JMJD1C: variants seen among roughly 807,000 people sequenced by gnomAD.
The protein encoded by JMJD1C is jumonji domain-containing protein 1C.
Under a neutral mutation model 245.3 loss-of-function variants are expected in JMJD1C, and 31 were observed. The ratio of observed to expected loss-of-function variants is 0.13; its 90% CI spans 0.09 to 0.17. The LOEUF (loss-of-function observed/expected upper bound fraction) is 0.17, where lower values mean the gene tolerates loss of function less well. Ranked by LOEUF, JMJD1C falls within the 10% of genes least tolerant of loss-of-function variation. The probability of loss-of-function intolerance (pLI) is 1.00; values close to 1 mark genes in which losing one functional copy is unlikely to be tolerated. For synonymous variants in JMJD1C, 1,057 were observed against 1,017.4 expected (o/e 1.04, Z -0.74); for missense variants, 2,691 against 3,000.2 (o/e 0.90, Z 2.41).
chr10:63,269,807 T>C (rs761247051), intron 2 of JMJD1C, among the ~76,000 whole-genome samples: 68 of 152,314 alleles, frequency 4.5e-4, no homozygotes, highest in Non-Finnish European at 3.8e-4. Flanking sequence ...AAGCATAAAA[T>C]GCATTTCTCA....
At chr10:63,375,182 G>GATT (rs1946625728) in intron 2 of JMJD1C, among the ~76,000 whole-genome samples, 1 of 63,812 alleles carries the variant, frequency 1.6e-5, no homozygotes, top group Non-Finnish European at 4.2e-5. Context: ...ATAAAAATTG[G>GATT]CTTTTTTTTT....
chr10:63,509,909 TCTAA>T (rs1445704604), intron 1 of JMJD1C, among the ~76,000 whole-genome samples: 5 of 152,134 alleles, frequency 3.3e-5, no homozygotes, highest in African/African-American at 4.8e-5. Context: ...TGATTCCTGC[TCTAA>T]CTTTTATTAT....
At chr10:63,275,562 G>C (rs190373718) in intron 2 of JMJD1C, among the ~76,000 whole-genome samples, 330 of 151,966 alleles carry the variant, frequency 2.2e-3, no homozygotes, top group Middle Eastern at 0.01. Context: ...CCAATATTTG[G>C]AAGAAAGAAA....
intron 1 of JMJD1C, among the ~76,000 whole-genome samples, chr10:63,497,538 G>T (rs1018447553): frequency 6.6e-6 from 1 of 152,170 alleles, no homozygotes; most frequent in African/African-American, 2.4e-5. Flanking sequence ...TTTCTTTCAG[G>T]GCTGATGAAG....
chr10:63,182,233 G>C (rs921041791), intron 22 of JMJD1C, among the ~76,000 whole-genome samples: 1 of 152,164 alleles, frequency 6.6e-6, no homozygotes. Flanking sequence ...GCGAACATCT[G>C]AAACTCCGAA....
intron 1 of JMJD1C, among the ~76,000 whole-genome samples, chr10:63,439,766 A>G (rs1951260356): frequency 6.6e-6 from 1 of 152,228 alleles, no homozygotes; most frequent in South Asian, 2.1e-4. Context: ...AGATCATAAA[A>G]AAGTCACTTA....
rs1589293731 is a variant in JMJD1C at position 63,253,833 on chromosome 10, A to G, written c.447+10818T>C. 2.0e-5 allele frequency among the ~76,000 whole-genome samples: 3 copies of G among 152,256 alleles called. No homozygotes were observed. In the South Asian group the frequency reaches 6.2e-4, roughly 32 times the overall value. Reference sequence around the variant, plus strand: ...ATTCTAACAATACCTCCGCATCCCTACGACCAGAATGAATTCCTTATTCCT... The same window carrying G: ...ATTCTAACAATACCTCCGCATCCCTGCGACCAGAATGAATTCCTTATTCCT... On this transcript the variant is annotated intron_variant, in intron 3 of 25. Transcript: ENST00000399262.
intron 2 of JMJD1C, 95 bp downstream of exon 2, chr10:63,380,221 GGT>G (rs769535900): frequency 8.4e-7 from 1 of 1,193,114 alleles, no homozygotes; most frequent in East Asian, 2.3e-5. Flanking sequence ...TAGTTTTACA[GGT>G]GTCAGTCACC....
chr10:63,245,302 C>T (rs769964323), intron 3 of JMJD1C, among the ~76,000 whole-genome samples: 1 of 151,850 alleles, frequency 6.6e-6, no homozygotes, highest in Non-Finnish European at 1.5e-5. Context: ...TCTGTTTTCA[C>T]ACGGCTGATA....
chr10:63,464,848 A>G (rs1315982072), intron 1 of JMJD1C, among the ~76,000 whole-genome samples: 1 of 152,194 alleles, frequency 6.6e-6, no homozygotes, highest in Non-Finnish European at 1.5e-5. Flanking sequence ...TGGGGACAGA[A>G]AGAGAGATTA....
At chr10:63,229,170 T>TA (rs1295474368) in intron 3 of JMJD1C, among the ~76,000 whole-genome samples, 3 of 151,876 alleles carry the variant, frequency 2.0e-5, no homozygotes, top group Admixed American at 6.6e-5. Flanking sequence ...AATACTTTTT[T>TA]AAAAAAAAGG....
At chr10:63,272,250 AG>A (rs1200992350) in intron 2 of JMJD1C, among the ~76,000 whole-genome samples, 3 of 152,198 alleles carry the variant, frequency 2.0e-5, no homozygotes, top group African/African-American at 7.2e-5. Flanking sequence ...ATGATCCAGA[AG>A]GTAACTTTAT....
chr10:63,248,521 A>AATAG (rs141160908), intron 3 of JMJD1C, among the ~76,000 whole-genome samples: 2,952 of 134,528 alleles, frequency 0.022, 68 homozygotes, highest in African/African-American at 0.055. Context: ...ACCTCATCTC[A>AATAG]ATAGATAGAT....
rs1369985537 is a variant in JMJD1C, at chr10:63,200,635, T to A, written c.5117A>T (p.Lys1706Met). The change falls in exon 11 of 26, where the codon AAG (lysine) becomes ATG (methionine). Residue 1706 changes from lysine to methionine, a missense_variant. Coordinates refer to ENST00000399262, the MANE Select transcript of JMJD1C (RefSeq NM_032776.3). ...RSVLKDWRKV[K>M]KLKQTGESFL... ...GGATTCCCCAGTTTGCTTCAGCTTC[T>A]TGACTTTACGCCAATCTTTCAATAC... The A allele has an allele frequency of 6.2e-7, 1 of 1,613,980 alleles. No homozygotes were observed. The highest frequency in any genetic ancestry group is 1.3e-5 in the African/African-American group (1 of 74,936).
At chr10:63,223,336 T>C (rs938039667) in intron 3 of JMJD1C, among the ~76,000 whole-genome samples, 2 of 151,080 alleles carry the variant, frequency 1.3e-5, no homozygotes, top group Non-Finnish European at 2.9e-5. Context: ...CAAGCGATTC[T>C]CCTGCCTCAG....
chr10:63,292,296 C>T (rs931826750), intron 2 of JMJD1C, among the ~76,000 whole-genome samples: 4 of 151,678 alleles, frequency 2.6e-5, no homozygotes, highest in Non-Finnish European at 4.4e-5. Flanking sequence ...TAATTTCACT[C>T]CCACAGGCTT....
chr10:63,188,455 C>G (rs1844385740), intron 18 of JMJD1C, among the ~76,000 whole-genome samples: 1 of 152,188 alleles, frequency 6.6e-6, no homozygotes, highest in Non-Finnish European at 1.5e-5. Context: ...ACATAGCTTA[C>G]TCATTTTTAT....
intron 2 of JMJD1C, among the ~76,000 whole-genome samples, chr10:63,320,462 T>A (rs1248318718): frequency 6.6e-6 from 1 of 152,158 alleles, no homozygotes; most frequent in Non-Finnish European, 1.5e-5. Flanking sequence ...ATAGACGATG[T>A]CAGCCCACAA....
chr10:63,317,829 A>C (rs1589461609), intron 2 of JMJD1C, among the ~76,000 whole-genome samples: 1 of 152,070 alleles, frequency 6.6e-6, no homozygotes, highest in African/African-American at 2.4e-5. Context: ...CTATTGCTAC[A>C]TTAAAGGTCA....
Sources: gnomAD v4.1 joint callset for allele counts (sites outside exome capture counted in the v4.1 genomes callset) on GRCh38, gnomAD v4.1.1 for gene constraint, MANE v1.5 for transcripts, NCBI Gene and HGNC (gene_info 2026-07-23, HGNC 2026-07-21) for gene names.